ANKRD60: variants seen among roughly 807,000 people sequenced by gnomAD.
The protein encoded by ANKRD60 is ankyrin repeat domain-containing protein 60.
In ANKRD60, 24 loss-of-function variants were observed where a neutral mutation model predicts 21.3. The observed-to-expected ratio is 1.13, with a 90% CI of 0.82 to 1.59. ANKRD60 has a LOEUF of 1.59. Ranked by LOEUF, ANKRD60 falls within the 40% of genes most tolerant of loss-of-function variation. ANKRD60 has a pLI of 0.00. For synonymous variants in ANKRD60, 182 were observed against 199.4 expected (o/e 0.91, Z 0.74); for missense variants, 490 against 466.7 (o/e 1.05, Z -0.46).
rs565683004 is a variant in ANKRD60, at chr20:58,218,649, C to T, written c.884G>A (p.Arg295His). 12 of 1,551,792 alleles carry T rather than the reference C, an allele frequency of 7.7e-6. No homozygotes were observed. The South Asian group carries it at 1.1e-4, about 14-fold the overall frequency. Reference sequence around the variant, plus strand: ...CCTCTCGCTCAGTGTGTGGTTCAGGCGGTGTGCAATGGAGATGGGGGTCTC... The same window carrying T: ...CCTCTCGCTCAGTGTGTGGTTCAGGTGGTGTGCAATGGAGATGGGGGTCTC... The change falls in exon 4 of 4, where the codon CGC becomes CAC. Residue 295 changes from arginine to histidine, a missense_variant. By Grantham distance (29) the Arg-to-His change is conservative. Transcript: ENST00000457363.
At position 58,228,516 on chromosome 20, in the gene ANKRD60, C is replaced by G. The variant is rs1353351477; in HGVS notation, c.138G>C (p.Gln46His). Residue 46 changes from glutamine to histidine, a missense_variant, in exon 1 of 4, where the codon CAG becomes CAC. Transcript: ENST00000457363. The surrounding 1 kb of genome is among the most constrained non-coding windows in gnomAD (Gnocchi z 5.3). ...AGCCCACCCTGGGCCCGCCGCACCC[C>G]TGAGCCCCGGCCCGCGCACCGCTCC... The G allele has an allele frequency of 7.2e-7, 1 of 1,385,710 alleles. No homozygotes were observed. The highest frequency in any genetic ancestry group is 3.1e-5 in the East Asian group (1 of 32,382). The allele number at this position is 1,385,710 out of a possible 1,614,324, so 85.8% of individuals were successfully genotyped here. A position where few individuals can be genotyped will look rare whatever the true frequency, so the allele number is the denominator to read the frequency against.
chr20:58,218,940 C>T (rs1395284805), intron 3 of ANKRD60, 135 bp from the exon 4 acceptor site: 2 of 757,616 alleles, frequency 2.6e-6, no homozygotes, highest in Admixed American at 3.0e-5. Context: ...TGCCCCCAGT[C>T]CACTCCCCTG....
At chr20:58,227,722 G>A (rs73308820) in intron 1 of ANKRD60, among the ~76,000 whole-genome samples, 7,341 of 152,224 alleles carry the variant, frequency 0.048, 582 homozygotes, top group African/African-American at 0.17. Flanking sequence ...CAGCATGGAG[G>A]AGGACTTGGG....
At chr20:58,222,672 C>T (rs528103175) in intron 2 of ANKRD60, among the ~76,000 whole-genome samples, 21 of 152,328 alleles carry the variant, frequency 1.4e-4, no homozygotes, top group Middle Eastern at 3.4e-3. Context: ...CAGCACCTGG[C>T]GGAGGCCTGT....
chr20:58,224,106 A>G (rs1191398355), intron 1 of ANKRD60, among the ~76,000 whole-genome samples: 1 of 152,028 alleles, frequency 6.6e-6, no homozygotes, highest in Non-Finnish European at 1.5e-5. Flanking sequence ...TGTCTCCAAA[A>G]AAAAAAAAGG....
intron 3 of ANKRD60, among the ~76,000 whole-genome samples, chr20:58,219,020 C>T (rs779910377): frequency 2.6e-5 from 4 of 152,148 alleles, no homozygotes; most frequent in East Asian, 1.9e-4. Flanking sequence ...GCCATCCCAC[C>T]GGCTGTGGGG....
intron 2 of ANKRD60, 107 bp downstream of exon 2, chr20:58,222,945 T>TGAA: frequency 1.5e-6 from 2 of 1,323,670 alleles, no homozygotes; most frequent in Non-Finnish European, 2.0e-6. Context: ...CTCTCTTCCC[T>TGAA]GCTCTGAAAC....
At chr20:58,218,430 C>T (rs576204667), downstream of ANKRD60, 1 of 1,464,514 alleles carries the variant, frequency 6.8e-7, no homozygotes, top group African/African-American at 1.4e-5. Flanking sequence ...CCAAGGGCCC[C>T]CATGGGATTG....
chr20:58,227,028 G>A (rs562563), intron 1 of ANKRD60, among the ~76,000 whole-genome samples: 4 of 151,990 alleles, frequency 2.6e-5, no homozygotes, highest in African/African-American at 9.7e-5. Flanking sequence ...GTTTGAGGCT[G>A]AAACATGGGC....
Position 58,228,115 on chromosome 20 carries a change from T to C in ANKRD60, c.430+109A>G. 1 of 1,174,252 alleles carries C rather than the reference T, an allele frequency of 8.5e-7. No individual in the cohort carries two copies. Among genetic ancestry groups the C allele is most frequent in the Non-Finnish European group, 1.2e-6 (1 of 849,106 alleles). 72.7% of individuals were successfully genotyped at this position (1,174,252 alleles called of 1,614,324 possible). A position where few individuals can be genotyped will look rare whatever the true frequency, so the allele number is the denominator to read the frequency against. ...GGTGGTTGGGTTTCAGGGGTTTGCT[T>C]TGACATCTGGGGTTTCTCACGTAAG... On this transcript the variant is annotated intron_variant, in intron 1 of 3. Coordinates refer to ENST00000457363, the Ensembl canonical transcript of ANKRD60. This position sits in a 1 kb window ranked among gnomAD's most constrained non-coding sequence, Gnocchi z 5.3.
chr20:58,223,552 T>A (rs1196543348), intron 1 of ANKRD60, among the ~76,000 whole-genome samples: 1 of 152,212 alleles, frequency 6.6e-6, no homozygotes, highest in Non-Finnish European at 1.5e-5. Context: ...CAGCACAATG[T>A]GGTTATACAA....
chr20:58,216,559 C>T (rs946341129), downstream of ANKRD60, among the ~76,000 whole-genome samples: 1 of 152,318 alleles, frequency 6.6e-6, no homozygotes, highest in African/African-American at 2.4e-5. Flanking sequence ...CTTTGCAGAA[C>T]GTCTGCCAAG....
chr20:58,217,817 C>T (rs144562867), downstream of ANKRD60, among the ~76,000 whole-genome samples: 823 of 152,238 alleles, frequency 5.4e-3, 10 homozygotes, highest in African/African-American at 0.019. Context: ...GGAGATGGGA[C>T]AAAAGAGAAA....
chr20:58,228,415 GGGTCACAGACGAGCC>G lies in ANKRD60; in HGVS notation c.224_238del (p.Arg75_Asp79del). 1 of 1,542,736 alleles carries G rather than the reference GGGTCACAGACGAGCC, an allele frequency of 6.5e-7. No individual in the cohort carries two copies. Among genetic ancestry groups the G allele is most frequent in the Non-Finnish European group, 8.7e-7 (1 of 1,146,264 alleles). On this transcript the variant is annotated inframe_deletion, in exon 1 of 4. Transcript: ENST00000457363. This position sits in a 1 kb window ranked among gnomAD's most constrained non-coding sequence, Gnocchi z 5.3. ...GTCGGGCAAGGCACTCGCGGCCTTC[GGGTCACAGACGAGCC>G]GCTGGCTCCGGCCGCGGGCACAGGC... is the stretch of plus-strand genomic sequence containing the variant.
At position 58,228,276 on chromosome 20, in the gene ANKRD60, G is replaced by A. The variant is rs777358402; in HGVS notation, c.378C>T (p.Asp126=). ...GGTTGAAGGGGATGCCGACCATCAG[G>A]TCCAGCTCCTCTTTGAGCTCCCGCA... The change falls in exon 1 of 4, where the codon GAC becomes GAT. Residue 126 remains aspartate (D), a synonymous_variant. Transcript: ENST00000457363. This position sits in a 1 kb window ranked among gnomAD's most constrained non-coding sequence, Gnocchi z 5.3. 4.9e-5 allele frequency: 76 copies of A among 1,551,316 alleles called. 1 individual carries two copies. The East Asian group carries it at 1.4e-3, about 28-fold the overall frequency.
At position 58,228,297 on chromosome 20, in the gene ANKRD60, C is replaced by T. The variant is rs1192514; in HGVS notation, c.357G>A (p.Arg119=). Reference sequence around the variant, plus strand: ...TCAGGTCCAGCTCCTCTTTGAGCTCCCGCACGGTCATGTCGCCGCGGCAGT... The same window carrying T: ...TCAGGTCCAGCTCCTCTTTGAGCTCTCGCACGGTCATGTCGCCGCGGCAGT... Residue 119 remains arginine, a synonymous_variant, in exon 1 of 4, where the codon CGG becomes CGA. Coordinates refer to ENST00000457363, the Ensembl canonical transcript of ANKRD60. The surrounding 1 kb of genome is among the most constrained non-coding windows in gnomAD (Gnocchi z 5.3). 432,340 of 1,551,084 alleles carry T rather than the reference C, an allele frequency of 0.28. 62,922 individuals are homozygous for T. The highest frequency in any genetic ancestry group is 0.42 in the South Asian group (35,317 of 84,034).
In ANKRD60 at chr20:58,223,195, A is replaced by T. The variant is rs1441014709; in HGVS notation, c.431-13T>A. 5 of 1,531,830 alleles carry T rather than the reference A, an allele frequency of 3.3e-6. No homozygotes were observed. Among genetic ancestry groups the T allele is most frequent in the Non-Finnish European group, 4.4e-6 (5 of 1,139,902 alleles). The allele number at this position is 1,531,830 out of a possible 1,614,324, so 94.9% of individuals were successfully genotyped here. A position where few individuals can be genotyped will look rare whatever the true frequency, so the allele number is the denominator to read the frequency against. On this transcript the variant is annotated splice_polypyrimidine_tract_variant and intron_variant, in intron 1 of 3. Transcript: ENST00000457363. ...TCCATCAAAACTCCTGCAGGGAAAA[A>T]TTTTTTTTCTTTTAAAAAATTGGGT...
intron 3 of ANKRD60, among the ~76,000 whole-genome samples, chr20:58,220,581 GT>G (rs1232868332): frequency 6.6e-6 from 1 of 151,656 alleles, no homozygotes; most frequent in Non-Finnish European, 1.5e-5. Flanking sequence ...TGAATGTCTT[GT>G]GAGAAAATAA....
chr20:58,228,148 C>G lies in ANKRD60; in HGVS notation c.430+76G>C. Reference sequence around the variant, plus strand: ...TGGGGTTTCTCACGTAAGCAGGCTTCCCTTTGGGAATCCACTTCAGAAGTG... The same window carrying G: ...TGGGGTTTCTCACGTAAGCAGGCTTGCCTTTGGGAATCCACTTCAGAAGTG... On this transcript the variant is annotated intron_variant, in intron 1 of 3. Coordinates refer to ENST00000457363, the Ensembl canonical transcript of ANKRD60. This position sits in a 1 kb window ranked among gnomAD's most constrained non-coding sequence, Gnocchi z 5.3. 7.2e-7 allele frequency: 1 copy of G among 1,384,772 alleles called. No homozygotes were observed. The highest frequency in any genetic ancestry group is 1.9e-4 in the Middle Eastern group (1 of 5,262). 85.8% of individuals were successfully genotyped at this position (1,384,772 alleles called of 1,614,324 possible). A position where few individuals can be genotyped will look rare whatever the true frequency, so the allele number is the denominator to read the frequency against.
Sources: gnomAD v4.1 joint callset for allele counts (sites outside exome capture counted in the v4.1 genomes callset) on GRCh38, gnomAD v4.1.1 for gene constraint, Gnocchi (gnomAD v3.1) non-coding constraint, MANE v1.5 for transcripts, NCBI Gene and HGNC (gene_info 2026-07-23, HGNC 2026-07-21) for gene names.